COL5A2: variants seen among roughly 807,000 people sequenced by gnomAD.
COL5A2 encodes the protein collagen alpha-2(V) chain.
In COL5A2, 23 loss-of-function variants were observed where a neutral mutation model predicts 208.2. The observed-to-expected ratio is 0.11, with a 90% CI of 0.08 to 0.16. The LOEUF is 0.16. Ranked by LOEUF, COL5A2 falls within the 10% of genes least tolerant of loss-of-function variation. The pLI is 1.00. For synonymous variants in COL5A2, 625 were observed against 628.5 expected, an observed-to-expected ratio of 0.99 and a Z score of 0.08; for missense variants, 1,590 against 1,956.4, an observed-to-expected ratio of 0.81 and a Z score of 3.53.
intron 18 of COL5A2, among the ~76,000 whole-genome samples, chr2:189,069,302 T>C (rs1341474242): frequency 1.3e-5 from 2 of 152,236 alleles, no homozygotes; most frequent in Non-Finnish European, 2.9e-5. Flanking sequence ...ACACTGAGTC[T>C]ACTCAAAGAA....
Position 189,039,414 on chromosome 2 carries a change from T to G in COL5A2, c.3783A>C (p.Lys1261Asn). 6.2e-7 allele frequency: 1 copy of G among 1,613,988 alleles called. No individual in the cohort carries two copies. The highest frequency in any genetic ancestry group is 1.1e-5 in the South Asian group (1 of 91,064). ...FTEDQAAPDD[K>N]NKTDPGVHAT... The stretch of plus-strand genomic sequence containing the variant: ...CATGAACCCCTGGGTCCGTTTTGTT[T>G]TTGTCATCAGGAGCCGCCTGATCTT... The change falls in exon 51 of 54, where the codon AAA becomes AAC. Residue 1261 changes from lysine (K) to asparagine (N), a missense_variant. Lys to Asn is a moderately conservative substitution (Grantham distance 94). Transcript: ENST00000374866.
chr2:189,122,689 C>G (rs910909827), intron 1 of COL5A2, among the ~76,000 whole-genome samples: 1 of 152,110 alleles, frequency 6.6e-6, no homozygotes, highest in East Asian at 1.9e-4. Flanking sequence ...TTTAATTTCT[C>G]TCTATATCAT....
the COL5A2 span, among the ~76,000 whole-genome samples, chr2:189,283,806 A>G: frequency 6.6e-6 from 1 of 152,164 alleles, no homozygotes; most frequent in Admixed American, 6.5e-5. Flanking sequence ...TCCATAAATT[A>G]AATTGAATAA....
the COL5A2 span, among the ~76,000 whole-genome samples, chr2:189,368,448 GA>G: frequency 1.9e-4 from 29 of 149,320 alleles, no homozygotes; most frequent in South Asian, 8.5e-4. Context: ...TTCCAAGGGG[GA>G]AAAAAAAACA....
At chr2:189,196,963 A>C (rs1689008703) in intron 1 of COL5A2, among the ~76,000 whole-genome samples, 1 of 152,194 alleles carries the variant, frequency 6.6e-6, no homozygotes, top group Non-Finnish European at 1.5e-5. Context: ...AACCAAAGGA[A>C]TATAAATCAT....
At chr2:189,093,798 G>A (rs188778813) in intron 6 of COL5A2, among the ~76,000 whole-genome samples, 19 of 152,186 alleles carry the variant, frequency 1.2e-4, no homozygotes, top group Non-Finnish European at 2.2e-4. Flanking sequence ...TTGTTCTCTA[G>A]GACTCCTGGA....
At chr2:189,251,078 G>C in the COL5A2 span, among the ~76,000 whole-genome samples, 2 of 152,138 alleles carry the variant, frequency 1.3e-5, no homozygotes, top group Non-Finnish European at 2.9e-5. Context: ...TTCTTGTGAG[G>C]ATTACATGTG....
the COL5A2 span, among the ~76,000 whole-genome samples, chr2:189,408,867 C>G: frequency 6.6e-6 from 1 of 152,198 alleles, no homozygotes; most frequent in Non-Finnish European, 1.5e-5. Flanking sequence ...ATTAATTCAA[C>G]TGGTCCTCTT....
intron 6 of COL5A2, 108 bp downstream of exon 6, chr2:189,097,169 A>C: frequency 1.0e-6 from 1 of 974,288 alleles, no homozygotes; most frequent in Non-Finnish European, 1.6e-6. Flanking sequence ...GTAAAATTTA[A>C]TGGAGGTGAA....
the COL5A2 span, among the ~76,000 whole-genome samples, chr2:189,266,361 G>C: frequency 2.6e-5 from 4 of 151,972 alleles, no homozygotes; most frequent in African/African-American, 9.7e-5. Flanking sequence ...GGGAGGCGGA[G>C]GTTACAGTGA....
At chr2:189,431,362 T>G in the COL5A2 span, among the ~76,000 whole-genome samples, 1 of 152,080 alleles carries the variant, frequency 6.6e-6, no homozygotes, top group South Asian at 2.1e-4. Context: ...TCGACAAAAG[T>G]AGGCTTCAGG....
At chr2:189,239,529 A>G in the COL5A2 span, among the ~76,000 whole-genome samples, 1 of 151,060 alleles carries the variant, frequency 6.6e-6, no homozygotes, top group Non-Finnish European at 1.5e-5. Flanking sequence ...TTAAAAAACC[A>G]AACACCGCAT....
the COL5A2 span, among the ~76,000 whole-genome samples, chr2:189,283,602 T>G: frequency 6.6e-6 from 1 of 151,716 alleles, no homozygotes; most frequent in Non-Finnish European, 1.5e-5. Flanking sequence ...GTATCTCAGA[T>G]GAGATCTTGA....
intron 1 of COL5A2, among the ~76,000 whole-genome samples, chr2:189,194,993 T>C (rs568766052): frequency 1.8e-4 from 28 of 152,168 alleles, no homozygotes; most frequent in African/African-American, 6.3e-4. Flanking sequence ...GAAAATGAAG[T>C]AAAGGGTATT....
intron 1 of COL5A2, among the ~76,000 whole-genome samples, chr2:189,175,314 G>A (rs1045669464): frequency 6.6e-6 from 1 of 151,958 alleles, no homozygotes; most frequent in Non-Finnish European, 1.5e-5. Context: ...GTGGGGAATG[G>A]CTCACAGTTT....
chr2:189,145,448 A>C (rs959903391), intron 1 of COL5A2, among the ~76,000 whole-genome samples: 2 of 152,182 alleles, frequency 1.3e-5, no homozygotes, highest in African/African-American at 4.8e-5. Context: ...AAAATATAAA[A>C]TATTCACTTG....
At position 189,033,290 on chromosome 2, in the gene COL5A2, C is replaced by T. The variant is rs1002977080; in HGVS notation, c.*780G>A. On this transcript the variant is annotated 3_prime_UTR_variant, in exon 54 of 54. Transcript: ENST00000374866. Reference sequence around the variant, plus strand: ...GTGTAAATGTATTAAATGGTATATACTAGTGTGACTTCTATCAATATTGAT... The same window carrying T: ...GTGTAAATGTATTAAATGGTATATATTAGTGTGACTTCTATCAATATTGAT... The T allele has an allele frequency of 6.6e-6, 1 of 152,548 alleles. No homozygotes were observed. Among genetic ancestry groups the T allele is most frequent in the Admixed American group, 6.6e-5 (1 of 15,250 alleles). The allele number at this position is 152,548 out of a possible 1,614,324, so 9.4% of individuals were successfully genotyped here.
chr2:189,359,951 T>C, the COL5A2 span, among the ~76,000 whole-genome samples: 3 of 152,138 alleles, frequency 2.0e-5, no homozygotes, highest in Non-Finnish European at 2.9e-5. Context: ...GAGTCTTCTC[T>C]CTTTTTGCTT....
chr2:189,393,439 T>C, the COL5A2 span, among the ~76,000 whole-genome samples: 1 of 152,160 alleles, frequency 6.6e-6, no homozygotes, highest in Non-Finnish European at 1.5e-5. Flanking sequence ...TCAGCTTAAA[T>C]ATGGACTAGT....
Sources: gnomAD v4.1 joint callset for allele counts (sites outside exome capture counted in the v4.1 genomes callset) on GRCh38, gnomAD v4.1.1 for gene constraint, MANE v1.5 for transcripts, NCBI Gene and HGNC (gene_info 2026-07-23, HGNC 2026-07-21) for gene names.